MTCL2: variants seen among roughly 807,000 people sequenced by gnomAD.
The protein encoded by MTCL2 is microtubule crosslinking factor 2, also known as microtubule cross-linking factor 2.
At chr20:36,854,290 G>T in the MTCL2 span, among the ~76,000 whole-genome samples, 1 of 152,180 alleles carries the variant, frequency 6.6e-6, no homozygotes, top group African/African-American at 2.4e-5. Context: ...TGCAGGGAAA[G>T]GTGGGGCAGT....
the MTCL2 span, among the ~76,000 whole-genome samples, chr20:36,797,302 A>G: frequency 9.2e-5 from 14 of 151,420 alleles, no homozygotes; most frequent in African/African-American, 3.1e-4. Context: ...CACTTAGCCC[A>G]GTCCCTGGGT....
chr20:36,790,052 C>T, the MTCL2 span, among the ~76,000 whole-genome samples: 47 of 143,434 alleles, frequency 3.3e-4, no homozygotes, highest in Admixed American at 3.3e-3. Flanking sequence ...AGTGCAGTGG[C>T]GCGATCTCGG....
chr20:36,802,802 T>C, the MTCL2 span: 2 of 1,544,088 alleles, frequency 1.3e-6, no homozygotes, highest in Non-Finnish European at 8.8e-7. Flanking sequence ...CTGAATCATT[T>C]CTGTAGCAAC....
chr20:36,828,945 T>G, the MTCL2 span: 1 of 1,229,052 alleles, frequency 8.1e-7, no homozygotes, highest in Non-Finnish European at 1.1e-6. Context: ...CAGGGAGGCA[T>G]AAGCTGCCCA....
the MTCL2 span, among the ~76,000 whole-genome samples, chr20:36,846,644 C>A: frequency 6.6e-6 from 1 of 152,226 alleles, no homozygotes; most frequent in African/African-American, 2.4e-5. Flanking sequence ...CCTGAGCCAG[C>A]CCCTGGTCTC....
chr20:36,861,696 G>A, the MTCL2 span, among the ~76,000 whole-genome samples: 4 of 152,292 alleles, frequency 2.6e-5, no homozygotes, highest in African/African-American at 9.6e-5. Flanking sequence ...CCCAGCCAGC[G>A]GCAGGAGAGC....
chr20:36,792,765 C>T, the MTCL2 span, among the ~76,000 whole-genome samples: 1 of 152,094 alleles, frequency 6.6e-6, no homozygotes, highest in Admixed American at 6.6e-5. Flanking sequence ...CAACTCTATC[C>T]TAGACCAGCA....
the MTCL2 span, chr20:36,839,172 T>C: frequency 1.3e-6 from 2 of 1,554,012 alleles, no homozygotes. This position sits in a 1 kb window ranked among gnomAD's most constrained non-coding sequence, Gnocchi z 5.1. Context: ...CCACTTAGAC[T>C]TGTGGTCCCA....
chr20:36,807,727 CTT>C, the MTCL2 span, among the ~76,000 whole-genome samples: 1 of 152,198 alleles, frequency 6.6e-6, no homozygotes, highest in South Asian at 2.1e-4. Context: ...CCTACTCCCT[CTT>C]GTTAAGTAAA....
At chr20:36,793,200 A>G in the MTCL2 span, 1 of 1,508,026 alleles carries the variant, frequency 6.6e-7, no homozygotes, top group Non-Finnish European at 8.9e-7. This position sits in a 1 kb window ranked among gnomAD's most constrained non-coding sequence, Gnocchi z 6.8. Flanking sequence ...CTTGGACCTT[A>G]TATACTAACT....
the MTCL2 span, among the ~76,000 whole-genome samples, chr20:36,835,866 C>T: frequency 1.3e-5 from 2 of 152,158 alleles, no homozygotes; most frequent in African/African-American, 2.4e-5. Context: ...CCGCCGCCGC[C>T]GCTGCTCTAG....
At chr20:36,859,993 C>G in the MTCL2 span, 7 of 1,085,688 alleles carry the variant, frequency 6.4e-6, no homozygotes, top group Admixed American at 1.7e-4. Context: ...AGTAATAACC[C>G]CTCTATTTAT....
At chr20:36,810,719 T>TCC in the MTCL2 span, among the ~76,000 whole-genome samples, 1 of 108,550 alleles carries the variant, frequency 9.2e-6, no homozygotes, top group African/African-American at 4.9e-5. Flanking sequence ...TCTCTCTCCC[T>TCC]CTCTCTCTCT....
the MTCL2 span, chr20:36,785,569 T>C: frequency 1.0e-6 from 1 of 985,412 alleles, no homozygotes; most frequent in Non-Finnish European, 1.2e-6. Flanking sequence ...AGCTGCAGGA[T>C]GTAAACACAG....
chr20:36,808,454 T>C, the MTCL2 span: 1 of 1,455,552 alleles, frequency 6.9e-7, no homozygotes, highest in Non-Finnish European at 9.4e-7. Context: ...TGGGCGTCCC[T>C]TCCCTGTCCC....
the MTCL2 span, among the ~76,000 whole-genome samples, chr20:36,787,908 T>G: frequency 2.0e-4 from 23 of 116,350 alleles, no homozygotes; most frequent in East Asian, 4.9e-3. Context: ...AAAAAAAAAG[T>G]GCTGCTGGAC....
At chr20:36,798,126 G>A in the MTCL2 span, among the ~76,000 whole-genome samples, 1 of 151,202 alleles carries the variant, frequency 6.6e-6, no homozygotes, top group Non-Finnish European at 1.5e-5. Flanking sequence ...CTGGAGTGCT[G>A]TGGTACGATC....
chr20:36,826,038 G>A, the MTCL2 span, among the ~76,000 whole-genome samples: 16 of 150,132 alleles, frequency 1.1e-4, no homozygotes, highest in African/African-American at 3.7e-4. Flanking sequence ...ACGGAGTCCC[G>A]TTCTGTCGCC....
At chr20:36,821,311 C>T in the MTCL2 span, among the ~76,000 whole-genome samples, 12 of 152,152 alleles carry the variant, frequency 7.9e-5, no homozygotes, top group East Asian at 2.3e-3. Flanking sequence ...CACCTGAGGT[C>T]GGGAGTTCAA....
Sources: gnomAD v4.1 joint callset for allele counts (sites outside exome capture counted in the v4.1 genomes callset) on GRCh38, gnomAD v4.1.1 for gene constraint, Gnocchi (gnomAD v3.1) non-coding constraint, MANE v1.5 for transcripts, NCBI Gene and HGNC (gene_info 2026-07-23, HGNC 2026-07-21) for gene names.